Variants in PLA2G4A observed in about 807,000 individuals in gnomAD.
The protein encoded by PLA2G4A is cytosolic phospholipase A2.
PLA2G4A carries 40 observed loss-of-function variants against 81.9 expected under a neutral mutation model. The ratio of observed to expected loss-of-function variants is 0.49; its 90% CI spans 0.38 to 0.64. The LOEUF (loss-of-function observed/expected upper bound fraction) is 0.64. Ranked by LOEUF, PLA2G4A falls within the 30% of genes least tolerant of loss-of-function variation. PLA2G4A has a pLI of 0.00. For synonymous variants in PLA2G4A, 302 were observed against 296.9 expected (o/e 1.02, Z -0.18); for missense variants, 715 against 905.1 (o/e 0.79, Z 2.69).
At chr1:186,873,878 A>C (rs1050384559) in intron 3 of PLA2G4A, among the ~76,000 whole-genome samples, 1 of 152,050 alleles carries the variant, frequency 6.6e-6, no homozygotes, top group African/African-American at 2.4e-5. Context: ...CATGGTTGCT[A>C]ATTTCAGTGT....
At chr1:186,896,866 A>C (rs1224884838) in intron 5 of PLA2G4A, among the ~76,000 whole-genome samples, 2 of 152,166 alleles carry the variant, frequency 1.3e-5, no homozygotes, top group Non-Finnish European at 2.9e-5. Flanking sequence ...AGAAGTAAGC[A>C]TGATGGCTAA....
Position 186,870,494 on chromosome 1 carries a change from A to T in PLA2G4A, c.93A>T (p.Thr31=), listed in dbSNP as rs1175492453. 1.9e-6 allele frequency: 3 copies of T among 1,610,510 alleles called. No individual in the cohort carries two copies. In the South Asian group the frequency reaches 3.3e-5, roughly 18 times the overall value. ...TVVVLRATKV[T]KGAFGDMLDT... ...TGGTGTTACGTGCCACCAAAGTGACAAAGGGGGCCTTTGGTGACATGCGTA... is the reference window on the plus strand; with the variant it reads ...TGGTGTTACGTGCCACCAAAGTGACTAAGGGGGCCTTTGGTGACATGCGTA... Residue 31 remains threonine (T), a synonymous_variant, in exon 3 of 18, where the codon ACA becomes ACT. Transcript: ENST00000367466.
intron 8 of PLA2G4A, among the ~76,000 whole-genome samples, chr1:186,933,701 A>G (rs1242893428): frequency 1.3e-5 from 2 of 152,158 alleles, no homozygotes; most frequent in Non-Finnish European, 2.9e-5. Context: ...ATCGTATTAT[A>G]TATGTCTAGC....
intron 14 of PLA2G4A, 140 bp downstream of exon 14, chr1:186,956,484 C>T (rs1019156829): frequency 1.2e-6 from 1 of 855,720 alleles, no homozygotes. Context: ...TGAAGGGCTT[C>T]AAATGACTAG....
intron 1 of PLA2G4A, among the ~76,000 whole-genome samples, chr1:186,847,518 C>G (rs4651330): frequency 2.0e-5 from 3 of 151,958 alleles, no homozygotes; most frequent in African/African-American, 7.2e-5. Context: ...AAAGTAGAAG[C>G]TTTGGCCAAG....
At chr1:186,962,713 G>T (rs1657001059) in intron 14 of PLA2G4A, among the ~76,000 whole-genome samples, 1 of 152,004 alleles carries the variant, frequency 6.6e-6, no homozygotes, top group South Asian at 2.1e-4. Context: ...GTAGAGACGG[G>T]GTTTCACCGT....
chr1:186,839,317 C>T (rs1394395851), intron 1 of PLA2G4A, among the ~76,000 whole-genome samples: 1 of 152,126 alleles, frequency 6.6e-6, no homozygotes, highest in Non-Finnish European at 1.5e-5. Context: ...TCTTTTTCCT[C>T]CTTTTTTCCC....
At chr1:186,830,720 A>G (rs1651524659) in intron 1 of PLA2G4A, among the ~76,000 whole-genome samples, 2 of 152,020 alleles carry the variant, frequency 1.3e-5, no homozygotes, top group South Asian at 4.1e-4. Context: ...GCAACTGAAA[A>G]TGTTCATTCC....
intron 1 of PLA2G4A, among the ~76,000 whole-genome samples, chr1:186,841,896 G>C (rs1196227754): frequency 6.6e-6 from 1 of 151,638 alleles, no homozygotes; most frequent in Non-Finnish European, 1.5e-5. Flanking sequence ...CTTGTGCTTC[G>C]TTTATGTAGA....
At chr1:186,838,490 G>A (rs567835464) in intron 1 of PLA2G4A, among the ~76,000 whole-genome samples, 1 of 152,234 alleles carries the variant, frequency 6.6e-6, no homozygotes, top group Non-Finnish European at 1.5e-5. Context: ...AAAATTGGCT[G>A]ATTTCCAGCT....
intron 10 of PLA2G4A, among the ~76,000 whole-genome samples, chr1:186,942,614 T>C (rs1240121112): frequency 6.6e-6 from 1 of 152,194 alleles, no homozygotes; most frequent in African/African-American, 2.4e-5. Context: ...ATGATTGTTC[T>C]GGACTTTTCA....
intron 3 of PLA2G4A, among the ~76,000 whole-genome samples, chr1:186,879,371 A>G (rs1215111915): frequency 6.6e-6 from 1 of 152,030 alleles, no homozygotes; most frequent in African/African-American, 2.4e-5. Context: ...GTAATTGCTG[A>G]GTATGTGCTA....
At chr1:186,916,407 A>T (rs779397467) in intron 7 of PLA2G4A, among the ~76,000 whole-genome samples, 7 of 152,188 alleles carry the variant, frequency 4.6e-5, no homozygotes, top group Non-Finnish European at 8.8e-5. Context: ...CAGTATCCAC[A>T]TTCATTTCCA....
chr1:186,958,518 A>G (rs972252456), intron 14 of PLA2G4A, among the ~76,000 whole-genome samples: 4 of 152,150 alleles, frequency 2.6e-5, no homozygotes, highest in African/African-American at 9.7e-5. Context: ...CAGTTATTTT[A>G]CTCTATAGAA....
intron 8 of PLA2G4A, among the ~76,000 whole-genome samples, chr1:186,933,807 G>C (rs991882785): frequency 1.3e-5 from 2 of 152,104 alleles, no homozygotes; most frequent in Admixed American, 1.3e-4. Flanking sequence ...CAAATGATTT[G>C]TCCAACATCA....
chr1:186,859,417 G>C (rs952840768), intron 2 of PLA2G4A, among the ~76,000 whole-genome samples: 1 of 152,022 alleles, frequency 6.6e-6, no homozygotes, highest in Admixed American at 6.6e-5. Flanking sequence ...TTTACAAGAA[G>C]AAGTCAAGTA....
At chr1:186,967,538 T>A (rs115258094) in intron 15 of PLA2G4A, among the ~76,000 whole-genome samples, 20,017 of 149,718 alleles carry the variant, frequency 0.13, 1,646 homozygotes, top group African/African-American at 0.23. Flanking sequence ...ACATTTTGGT[T>A]TTTTGGGGCA....
At chr1:186,830,957 G>GCTTGCTTGCTTT (rs1491468816) in intron 1 of PLA2G4A, among the ~76,000 whole-genome samples, 84 of 82,744 alleles carry the variant, frequency 1.0e-3, no homozygotes, top group East Asian at 4.6e-3. Flanking sequence ...TTGCTTGCTT[G>GCTTGCTTGCTTT]CTTTCTTTCT....
chr1:186,868,071 C>CTTTTTTTTTTTTTTTTTTT, intron 2 of PLA2G4A, among the ~76,000 whole-genome samples: 1 of 112,926 alleles, frequency 8.9e-6, no homozygotes, highest in Non-Finnish European at 1.7e-5. Flanking sequence ...GTGTATAATT[C>CTTTTTTTTTTTTTTTTTTT]TTTTTTTTTT....
Sources: allele counts gnomAD v4.1 joint callset (sites outside exome capture counted in the v4.1 genomes callset), GRCh38; gene constraint gnomAD v4.1.1; transcripts MANE v1.5; gene names NCBI Gene and HGNC (gene_info 2026-07-23, HGNC 2026-07-21).